ANKHD1: variants seen among roughly 807,000 people sequenced by gnomAD.
The protein encoded by ANKHD1 is ankyrin repeat and KH domain-containing protein 1.
In ANKHD1, 31 loss-of-function variants were observed where a neutral mutation model predicts 230.5. The ratio of observed to expected loss-of-function variants is 0.13; its 90% CI spans 0.10 to 0.18. The LOEUF (loss-of-function observed/expected upper bound fraction) is 0.18, where lower values mean the gene tolerates loss of function less well. Ranked by LOEUF, ANKHD1 falls within the 10% of genes least tolerant of loss-of-function variation. ANKHD1 has a pLI of 1.00. For synonymous variants in ANKHD1, 1,074 were observed against 1,117.6 expected (o/e 0.96, Z 0.78); for missense variants, 2,256 against 3,071.3 (o/e 0.73, Z 6.27).
chr5:140,510,859 G>A (rs1752736379), intron 22 of ANKHD1, among the ~76,000 whole-genome samples: 1 of 151,908 alleles, frequency 6.6e-6, no homozygotes, highest in Non-Finnish European at 1.5e-5. Flanking sequence ...GTCTCAGTCT[G>A]TCAACCAGGC....
At chr5:140,476,897 T>C (rs939313401) in intron 10 of ANKHD1, among the ~76,000 whole-genome samples, 1 of 152,186 alleles carries the variant, frequency 6.6e-6, no homozygotes, top group Non-Finnish European at 1.5e-5. Context: ...TTAGAGAGTT[T>C]AAAAGCCACG....
intron 15 of ANKHD1, among the ~76,000 whole-genome samples, chr5:140,500,665 A>AGAAAG (rs1554092037): frequency 4.3e-5 from 5 of 115,496 alleles, no homozygotes; most frequent in Non-Finnish European, 7.0e-5. Flanking sequence ...AAAAAAAAAA[A>AGAAAG]AAAAGAAAAG....
chr5:140,532,845 C>A, intron 29 of ANKHD1: 1 of 418,340 alleles, frequency 2.4e-6, no homozygotes, highest in Non-Finnish European at 4.8e-6. Flanking sequence ...TGGTGGCTCA[C>A]GCCTGTGCTG....
chr5:140,475,615 G>A (rs1343197245), intron 10 of ANKHD1, among the ~76,000 whole-genome samples: 2 of 152,156 alleles, frequency 1.3e-5, no homozygotes, highest in Non-Finnish European at 2.9e-5. Context: ...GTTAATGGAA[G>A]AAACAGAGAC....
intron 1 of ANKHD1, among the ~76,000 whole-genome samples, chr5:140,419,669 A>G (rs1771713576): frequency 1.3e-5 from 2 of 151,100 alleles, no homozygotes; most frequent in Admixed American, 1.3e-4. Context: ...TATATTGCCC[A>G]GACTGGTCTT....
rs186884126 is a variant in ANKHD1, at chr5:140,508,716, A to C, written c.3765+718A>C. ...GGTTGCACTGAGCAGAGATCACGCC[A>C]TTGCACTCCAGCCCGTGCAACAAGA... is the stretch of plus-strand genomic sequence containing the variant. On this transcript the variant is annotated intron_variant, in intron 20 of 33. Coordinates refer to ENST00000360839, the MANE Select transcript of ANKHD1 (RefSeq NM_017747.3). Among the ~76,000 whole-genome samples, 5 of 151,818 alleles carry C rather than the reference A, an allele frequency of 3.3e-5. No individual in the cohort carries two copies. In the East Asian group the frequency reaches 9.7e-4, roughly 30 times the overall value.
intron 1 of ANKHD1, among the ~76,000 whole-genome samples, chr5:140,417,378 G>T (rs1483255561): frequency 4.7e-5 from 7 of 150,088 alleles, no homozygotes; most frequent in African/African-American, 1.7e-4. Context: ...TTTTTTTTTG[G>T]TTATTATTTA....
chr5:140,423,467 AG>A (rs912920560), intron 1 of ANKHD1, among the ~76,000 whole-genome samples: 3 of 152,118 alleles, frequency 2.0e-5, no homozygotes, highest in Middle Eastern at 3.2e-3. Flanking sequence ...TTAAAATGGA[AG>A]GATGCATAGT....
intron 8 of ANKHD1, 105 bp from the exon 9 acceptor site, chr5:140,459,059 A>C: frequency 4.0e-6 from 4 of 1,010,380 alleles, no homozygotes; most frequent in Non-Finnish European, 5.0e-6. Flanking sequence ...CCTGGAGGAA[A>C]CCACAGAAGC....
At chr5:140,504,641 C>A in intron 15 of ANKHD1, 180 bp from the exon 16 acceptor site, 1 of 819,566 alleles carries the variant, frequency 1.2e-6, no homozygotes, top group Non-Finnish European at 1.8e-6. Context: ...ATTACTTGCC[C>A]AAGATCAGAA....
intron 24 of ANKHD1, among the ~76,000 whole-genome samples, chr5:140,518,819 A>C (rs1407505234): frequency 2.0e-5 from 3 of 152,244 alleles, no homozygotes; most frequent in African/African-American, 7.2e-5. Flanking sequence ...ACAACCCCAC[A>C]GCCAATATCA....
chr5:140,452,648 G>C (rs1774842225), intron 7 of ANKHD1, among the ~76,000 whole-genome samples: 1 of 152,210 alleles, frequency 6.6e-6, no homozygotes, highest in Admixed American at 6.5e-5. Context: ...CAGACCTGCA[G>C]CTGAGGGTCC....
chr5:140,495,606 A>G (rs1751998399), intron 14 of ANKHD1, among the ~76,000 whole-genome samples: 1 of 152,204 alleles, frequency 6.6e-6, no homozygotes, highest in Admixed American at 6.5e-5. Flanking sequence ...TTGTACGTCA[A>G]AAAATTTATG....
intron 7 of ANKHD1, among the ~76,000 whole-genome samples, chr5:140,451,644 G>C (rs1241649411): frequency 6.6e-6 from 1 of 152,096 alleles, no homozygotes; most frequent in Non-Finnish European, 1.5e-5. Context: ...AAGTAGCTGG[G>C]ACTACAGGCG....
At chr5:140,533,280 T>C (rs1478670459) in intron 29 of ANKHD1, among the ~76,000 whole-genome samples, 1 of 152,088 alleles carries the variant, frequency 6.6e-6, no homozygotes, top group East Asian at 1.9e-4. Context: ...GGACCCTGTC[T>C]TGATAAAAAA....
chr5:140,501,583 A>G lies in ANKHD1; in HGVS notation c.3005-3238A>G, dbSNP rs371252246. ...GCTAACACAGTGAAACCTCATCTCT[A>G]CTAAAAATACAAAAAAATTAGCCAG... is the stretch of plus-strand genomic sequence containing the variant. On this transcript the variant is annotated intron_variant, in intron 15 of 33. Transcript: ENST00000360839. 2.0e-4 allele frequency among the ~76,000 whole-genome samples: 31 copies of G among 151,874 alleles called. No homozygotes were observed. In the East Asian group the frequency reaches 2.2e-3, roughly 11 times the overall value.
rs372994871 is a variant in ANKHD1, at chr5:140,485,285, G to A, written c.1998+37G>A. 5.5e-5 allele frequency: 87 copies of A among 1,585,932 alleles called. No homozygotes were observed. The African/African-American group carries it at 6.3e-4, about 12-fold the overall frequency. ...AAAAATAAGTAAACAGGCTGTGTGC[G>A]GTGGCTCATGTCTATGATCCCAGCA... On this transcript the variant is annotated intron_variant, in intron 12 of 33. Transcript: ENST00000360839. The surrounding 1 kb of genome is among the most constrained non-coding windows in gnomAD (Gnocchi z 4.8).
intron 7 of ANKHD1, among the ~76,000 whole-genome samples, chr5:140,452,001 C>T (rs913782527): frequency 6.6e-6 from 1 of 152,138 alleles, no homozygotes; most frequent in African/African-American, 2.4e-5. Flanking sequence ...TCTACAGCTC[C>T]CAGCATGAGC....
rs1164088272 is a variant in ANKHD1 at position 140,507,261 on chromosome 5, A to G, written c.3551+284A>G. ...TCTCAGAAACGGTATTTTATTTTAT[A>G]TAGTTGGAAATTTATAATCCCTAAA... On this transcript the variant is annotated intron_variant, in intron 19 of 33. Transcript: ENST00000360839. This position sits in a 1 kb window ranked among gnomAD's most constrained non-coding sequence, Gnocchi z 4.1. Among the ~76,000 whole-genome samples, 1 of 152,208 alleles carries G rather than the reference A, an allele frequency of 6.6e-6. No individual in the cohort carries two copies. The highest frequency in any genetic ancestry group is 2.4e-5 in the African/African-American group (1 of 41,446).
Sources: allele counts gnomAD v4.1 joint callset (sites outside exome capture counted in the v4.1 genomes callset), GRCh38; gene constraint gnomAD v4.1.1; non-coding constraint Gnocchi (gnomAD v3.1); transcripts MANE v1.5; gene names NCBI Gene and HGNC (gene_info 2026-07-23, HGNC 2026-07-21).